The following KCNH1 variants were observed in gnomAD, a reference collection of about 807,000 sequenced individuals.
KCNH1 encodes the protein voltage-gated delayed rectifier potassium channel KCNH1.
In KCNH1, 27 loss-of-function variants were observed where a neutral mutation model predicts 69.2. The observed-to-expected ratio is 0.39, with a 90% CI of 0.29 to 0.54. The LOEUF is 0.54. Ranked by LOEUF, KCNH1 falls within the 20% of genes least tolerant of loss-of-function variation. KCNH1 has a pLI of 0.68. For missense variants in KCNH1, 798 were observed against 1,261.6 expected (o/e 0.63, Z 5.57); for synonymous variants, 456 against 487.7 (o/e 0.93, Z 0.86).
intron 10 of KCNH1, among the ~76,000 whole-genome samples, chr1:210,761,893 G>A (rs1272622816): frequency 5.9e-5 from 9 of 152,118 alleles, no homozygotes; most frequent in East Asian, 1.9e-4. Context: ...TCGACCAATC[G>A]GACTTAATAG....
chr1:210,979,643 T>C (rs1231921185), intron 6 of KCNH1, among the ~76,000 whole-genome samples: 2 of 152,310 alleles, frequency 1.3e-5, no homozygotes, highest in East Asian at 3.9e-4. Context: ...TCTCATGTCA[T>C]TTTTATAATT....
intron 6 of KCNH1, among the ~76,000 whole-genome samples, chr1:210,975,331 C>T (rs543644627): frequency 6.6e-6 from 1 of 152,204 alleles, no homozygotes; most frequent in African/African-American, 2.4e-5. Context: ...AGGCATCACA[C>T]TACCTGACTT....
At chr1:211,052,978 A>C (rs1690232668) in intron 5 of KCNH1, among the ~76,000 whole-genome samples, 1 of 152,228 alleles carries the variant, frequency 6.6e-6, no homozygotes, top group Non-Finnish European at 1.5e-5. Context: ...AGCATCCTCT[A>C]GATTTACCAG....
intron 6 of KCNH1, among the ~76,000 whole-genome samples, chr1:211,001,250 T>C (rs1268806105): frequency 1.3e-5 from 2 of 152,178 alleles, no homozygotes; most frequent in South Asian, 4.1e-4. Flanking sequence ...GAGAACATTT[T>C]TGCAATCTAC....
At chr1:210,740,235 C>G (rs6701463) in intron 10 of KCNH1, among the ~76,000 whole-genome samples, 3 of 152,168 alleles carry the variant, frequency 2.0e-5, no homozygotes, top group African/African-American at 7.2e-5. Context: ...AAATGTTCCC[C>G]AGAACATCAG....
chr1:210,718,474 TA>T (rs1232645192), intron 10 of KCNH1, among the ~76,000 whole-genome samples: 1 of 35,354 alleles, frequency 2.8e-5, no homozygotes, highest in Non-Finnish European at 4.4e-5. Flanking sequence ...TGTATATATA[TA>T]AAATATATAC....
chr1:210,823,340 T>A (rs761385753), intron 7 of KCNH1, among the ~76,000 whole-genome samples: 6 of 152,144 alleles, frequency 3.9e-5, no homozygotes, highest in Non-Finnish European at 8.8e-5. Context: ...GCTCTCAAAG[T>A]AAGTGGTACA....
At chr1:210,836,213 C>T (rs1685279309) in intron 7 of KCNH1, among the ~76,000 whole-genome samples, 1 of 151,860 alleles carries the variant, frequency 6.6e-6, no homozygotes, top group Non-Finnish European at 1.5e-5. Flanking sequence ...ATGGCCATCC[C>T]CTACAGAATT....
At chr1:211,015,483 T>C (rs1011076877) in intron 6 of KCNH1, among the ~76,000 whole-genome samples, 1 of 152,262 alleles carries the variant, frequency 6.6e-6, no homozygotes, top group South Asian at 2.1e-4. Flanking sequence ...CTCAAGTGGG[T>C]CTATGTATTA....
intron 7 of KCNH1, among the ~76,000 whole-genome samples, chr1:210,881,073 A>T (rs1322627849): frequency 1.3e-5 from 2 of 150,792 alleles, no homozygotes; most frequent in African/African-American, 4.9e-5. Context: ...GCTGGAGTGC[A>T]GTGGCGCAAT....
In KCNH1 at chr1:211,103,571, T is replaced by C. The variant is rs148218711; in HGVS notation, c.235A>G (p.Thr79Ala). Residue 79 changes from threonine (T) to alanine (A), a missense_variant, in exon 3 of 11, where the codon ACG (threonine) becomes GCG (alanine). Thr to Ala is a moderately conservative substitution (Grantham distance 58). Coordinates refer to ENST00000271751, the MANE Select transcript of KCNH1 (RefSeq NM_172362.3). ...AATGTTTGCCGCACTTTTTCAATCG[T>C]GTCTTTATCAGTCAGCTCCCCATAC... ...FMYGELTDKDTIEKVRQTFEN... is the reference protein window; with the variant it reads ...FMYGELTDKDAIEKVRQTFEN... 2 of 1,613,240 alleles carry C rather than the reference T, an allele frequency of 1.2e-6. No homozygotes were observed. The highest frequency in any genetic ancestry group is 2.7e-5 in the African/African-American group (2 of 75,032).
At chr1:210,956,829 G>A (rs981878550) in intron 6 of KCNH1, among the ~76,000 whole-genome samples, 1 of 151,892 alleles carries the variant, frequency 6.6e-6, no homozygotes, top group Non-Finnish European at 1.5e-5. Context: ...CTTGCCAGCT[G>A]TCTATCAATT....
At chr1:211,106,152 A>G (rs1235182107) in intron 2 of KCNH1, among the ~76,000 whole-genome samples, 3 of 152,190 alleles carry the variant, frequency 2.0e-5, no homozygotes, top group African/African-American at 7.2e-5. Context: ...TTTGGCATGA[A>G]TGATTCCACT....
Position 210,683,089 on chromosome 1 carries a change from G to T in KCNH1, c.*192C>A. The T allele has an allele frequency of 1.5e-6, 1 of 657,784 alleles. No homozygotes were observed. Among genetic ancestry groups the T allele is most frequent in the Non-Finnish European group, 2.7e-6 (1 of 373,558 alleles). 40.7% of individuals were successfully genotyped at this position (657,784 alleles called of 1,614,324 possible). A position where few individuals can be genotyped will look rare whatever the true frequency, so the allele number is the denominator to read the frequency against. ...GTTCAGATGCAGCTGCCACCTTGCAGGGTAGGGGCACGCTACCCTTCCCAT... is the reference window on the plus strand; with the variant it reads ...GTTCAGATGCAGCTGCCACCTTGCATGGTAGGGGCACGCTACCCTTCCCAT... On this transcript the variant is annotated 3_prime_UTR_variant, in exon 11 of 11. Coordinates refer to ENST00000271751, the MANE Select transcript of KCNH1 (RefSeq NM_172362.3). This position sits in a 1 kb window ranked among gnomAD's most constrained non-coding sequence, Gnocchi z 5.7.
intron 8 of KCNH1, 115 bp downstream of exon 8, chr1:210,803,852 A>T: frequency 1.2e-6 from 1 of 867,258 alleles, no homozygotes; most frequent in Non-Finnish European, 1.8e-6. Context: ...ATCCCAAAGT[A>T]CTCAAGTGAA....
chr1:210,787,840 A>T (rs776381386), intron 9 of KCNH1, among the ~76,000 whole-genome samples: 4 of 152,226 alleles, frequency 2.6e-5, no homozygotes, highest in Non-Finnish European at 4.4e-5. Context: ...CTGTCCCTAA[A>T]AGTATTAAAA....
intron 10 of KCNH1, among the ~76,000 whole-genome samples, chr1:210,714,637 A>AC (rs1682175662): frequency 6.6e-6 from 1 of 152,126 alleles, no homozygotes; most frequent in South Asian, 2.1e-4. Flanking sequence ...CAAACAGGTA[A>AC]CCCATGGCGC....
chr1:211,034,144 A>G (rs1054510228), intron 5 of KCNH1, among the ~76,000 whole-genome samples: 2 of 152,230 alleles, frequency 1.3e-5, no homozygotes, highest in Non-Finnish European at 2.9e-5. Flanking sequence ...GAATGTTTAT[A>G]GCAGCTTTAC....
chr1:210,816,566 T>G (rs4951462), intron 7 of KCNH1, among the ~76,000 whole-genome samples: 1 of 152,140 alleles, frequency 6.6e-6, no homozygotes, highest in Non-Finnish European at 1.5e-5. Flanking sequence ...AGTTCTTGAT[T>G]GCAAAGAGAC....
Sources: gnomAD v4.1 joint callset for allele counts (sites outside exome capture counted in the v4.1 genomes callset) on GRCh38, gnomAD v4.1.1 for gene constraint, Gnocchi (gnomAD v3.1) non-coding constraint, MANE v1.5 for transcripts, NCBI Gene and HGNC (gene_info 2026-07-23, HGNC 2026-07-21) for gene names.